EFHD1: variants seen among roughly 807,000 people sequenced by gnomAD.
EFHD1 encodes the protein EF-hand domain family member D1.
In EFHD1, 10 loss-of-function variants were observed where a neutral mutation model predicts 17.2. The ratio of observed to expected loss-of-function variants is 0.58; its 90% CI spans 0.36 to 0.99. The LOEUF (loss-of-function observed/expected upper bound fraction) is 0.99. Among genes scored for constraint, EFHD1 ranks in the 50% least tolerant of loss-of-function variants. The pLI is 0.01. For missense variants in EFHD1, 310 were observed against 327.5 expected, an observed-to-expected ratio of 0.95 and a Z score of 0.41; for synonymous variants, 153 against 142.0, an observed-to-expected ratio of 1.08 and a Z score of -0.55.
chr2:232,657,899 C>CT (rs1194396166), intron 1 of EFHD1, among the ~76,000 whole-genome samples: 27,212 of 100,156 alleles, frequency 0.27, 6,211 homozygotes, highest in Non-Finnish European at 0.39. Context: ...TCTTTCTTTT[C>CT]TTTTTTTTTT....
At chr2:232,625,882 AT>A (rs1694097070) in intron 1 of EFHD1, among the ~76,000 whole-genome samples, 1 of 151,048 alleles carries the variant, frequency 6.6e-6, no homozygotes, top group African/African-American at 2.4e-5. Context: ...TTAAAAAAAA[AT>A]TAATTGCATT....
At chr2:232,606,319 C>A in intron 1 of EFHD1, 2 of 991,028 alleles carry the variant, frequency 2.0e-6, no homozygotes, top group African/African-American at 1.6e-5. Flanking sequence ...GCTTCCCTGC[C>A]CCGCGCACGG....
upstream of EFHD1, among the ~76,000 whole-genome samples, chr2:232,631,264 C>T (rs35991886): frequency 0.17 from 26,113 of 149,834 alleles, 3,331 homozygotes; most frequent in East Asian, 0.58. Flanking sequence ...TGCAAAGTTT[C>T]TCTCTCTCTC....
At chr2:232,679,890 T>C (rs1414181011) in intron 3 of EFHD1, among the ~76,000 whole-genome samples, 2 of 151,842 alleles carry the variant, frequency 1.3e-5, no homozygotes, top group African/African-American at 4.8e-5. Flanking sequence ...CTTGGCAAGG[T>C]TGTGGGGAAA....
At chr2:232,640,472 G>A (rs1694408293) in intron 1 of EFHD1, among the ~76,000 whole-genome samples, 2 of 152,068 alleles carry the variant, frequency 1.3e-5, no homozygotes, top group Non-Finnish European at 1.5e-5. Context: ...TGATGATGAC[G>A]ATGATCACCA....
At chr2:232,634,252 G>C (rs1694272738) in intron 1 of EFHD1, among the ~76,000 whole-genome samples, 1 of 151,976 alleles carries the variant, frequency 6.6e-6, no homozygotes, top group Admixed American at 6.5e-5. Flanking sequence ...GGCGGCTGCC[G>C]GGCCCGAGTT....
intron 1 of EFHD1, chr2:232,610,947 C>T (rs78459348): frequency 0.039 from 5,884 of 152,384 alleles, 135 homozygotes; most frequent in South Asian, 0.082. Flanking sequence ...GAGGCACAGG[C>T]GGAAAGATCG....
intron 1 of EFHD1, among the ~76,000 whole-genome samples, chr2:232,635,015 C>CGCTGCGTCGCCTGAGCCTT (rs1694291292): frequency 1.0e-5 from 1 of 96,256 alleles, no homozygotes; most frequent in Non-Finnish European, 3.1e-5. Flanking sequence ...GCCTGAGCCT[C>CGCTGCGTCGCCTGAGCCTT]CGCTGCCCCT....
At chr2:232,613,647 C>T (rs1461245116) in intron 1 of EFHD1, among the ~76,000 whole-genome samples, 1 of 145,344 alleles carries the variant, frequency 6.9e-6, no homozygotes, top group Non-Finnish European at 1.5e-5. Context: ...CACACACATA[C>T]ACACACACAC....
At chr2:232,610,077 A>G (rs2106180404) in intron 1 of EFHD1, among the ~76,000 whole-genome samples, 1 of 152,334 alleles carries the variant, frequency 6.6e-6, no homozygotes, top group South Asian at 2.1e-4. Flanking sequence ...CTGTCCCGCC[A>G]CATACCAGGA....
At chr2:232,611,093 C>T (rs2106180967) in intron 1 of EFHD1, among the ~76,000 whole-genome samples, 1 of 152,214 alleles carries the variant, frequency 6.6e-6, no homozygotes, top group African/African-American at 2.4e-5. Context: ...TGAGGGGATC[C>T]CTTGAGCCCA....
intron 1 of EFHD1, among the ~76,000 whole-genome samples, chr2:232,615,008 A>T (rs1055621639): frequency 6.6e-6 from 1 of 152,074 alleles, no homozygotes; most frequent in African/African-American, 2.4e-5. Flanking sequence ...TTATTTATTA[A>T]AGATGGGTCT....
At chr2:232,646,040 G>A (rs1323330890) in intron 1 of EFHD1, among the ~76,000 whole-genome samples, 1 of 152,154 alleles carries the variant, frequency 6.6e-6, no homozygotes, top group African/African-American at 2.4e-5. Flanking sequence ...AGGCCCTATT[G>A]GACCACCTGC....
At chr2:232,618,095 C>A (rs1157155799) in intron 1 of EFHD1, among the ~76,000 whole-genome samples, 1 of 151,952 alleles carries the variant, frequency 6.6e-6, no homozygotes, top group East Asian at 2.0e-4. Context: ...TCTCGGCTCA[C>A]TGCAACCTCT....
chr2:232,616,541 T>C (rs4973546), intron 1 of EFHD1, among the ~76,000 whole-genome samples: 56,876 of 151,890 alleles, frequency 0.37, 12,270 homozygotes, highest in East Asian at 0.82. Context: ...TCAGGTGATC[T>C]ACCCACCTCG....
intron 1 of EFHD1, among the ~76,000 whole-genome samples, chr2:232,652,600 A>G (rs538866506): frequency 2.6e-4 from 39 of 152,268 alleles, no homozygotes; most frequent in African/African-American, 8.9e-4. Context: ...TCAGGCAACC[A>G]TAAAGGCAGG....
rs190870068 is a variant in EFHD1 at position 232,671,823 on chromosome 2, G to A, written c.451-486G>A. The stretch of plus-strand genomic sequence containing the variant: ...TGTAATCCCAGCACTTTGGGAGGCC[G>A]AGGCGGACAGATCACTTGAGGTCAG... On this transcript the variant is annotated intron_variant, in intron 2 of 3. Coordinates refer to ENST00000264059, the MANE Select transcript of EFHD1 (RefSeq NM_025202.4). Among the ~76,000 whole-genome samples, 231 of 152,258 alleles carry A rather than the reference G, an allele frequency of 1.5e-3. 1 individual carries two copies. Among genetic ancestry groups the A allele is most frequent in the Non-Finnish European group, 2.7e-3 (182 of 68,016 alleles).
At chr2:232,635,106 C>T (rs962905536) in intron 1 of EFHD1, among the ~76,000 whole-genome samples, 1 of 152,220 alleles carries the variant, frequency 6.6e-6, no homozygotes, top group Non-Finnish European at 1.5e-5. Context: ...TGTCTGGCTT[C>T]CAGGCACTGA....
chr2:232,614,126 A>G (rs1162663028), intron 1 of EFHD1, among the ~76,000 whole-genome samples: 1 of 152,032 alleles, frequency 6.6e-6, no homozygotes, highest in Non-Finnish European at 1.5e-5. Flanking sequence ...ATGCACATAC[A>G]TATGTACACA....
Sources: gnomAD v4.1 joint callset for allele counts (sites outside exome capture counted in the v4.1 genomes callset) on GRCh38, gnomAD v4.1.1 for gene constraint, MANE v1.5 for transcripts, NCBI Gene and HGNC (gene_info 2026-07-23, HGNC 2026-07-21) for gene names.